NRG1: variants seen among roughly 807,000 people sequenced by gnomAD.
NRG1 encodes the protein pro-neuregulin-1, membrane-bound isoform.
NRG1 carries 18 observed loss-of-function variants against 63.8 expected under a neutral mutation model. The observed-to-expected ratio is 0.28, with a 90% CI of 0.19 to 0.42. The LOEUF is 0.42. Among genes scored for constraint, NRG1 ranks in the 10% least tolerant of loss-of-function variants. NRG1 has a pLI of 1.00. For synonymous variants in NRG1, 302 were observed against 301.3 expected, an observed-to-expected ratio of 1.00 and a Z score of -0.02; for missense variants, 762 against 814.7, an observed-to-expected ratio of 0.94 and a Z score of 0.79.
chr8:31,960,215 A>G (rs182577461), intron 1 of NRG1, among the ~76,000 whole-genome samples: 1 of 152,314 alleles, frequency 6.6e-6, no homozygotes, highest in East Asian at 1.9e-4. Flanking sequence ...GCTGTGATCC[A>G]TTAAGTCTCA....
chr8:32,344,231 C>T (rs1804441284), intron 1 of NRG1, among the ~76,000 whole-genome samples: 2 of 152,066 alleles, frequency 1.3e-5, no homozygotes, highest in Admixed American at 6.5e-5. Context: ...GCAAGTATTT[C>T]GTTTATGTGC....
At chr8:31,643,932 G>C (rs1421801603) in intron 1 of NRG1, among the ~76,000 whole-genome samples, 1 of 152,132 alleles carries the variant, frequency 6.6e-6, no homozygotes, top group African/African-American at 2.4e-5. Context: ...GCCAATATAA[G>C]TATTTTATAT....
chr8:32,648,863 T>C (rs1854306368), intron 5 of NRG1, among the ~76,000 whole-genome samples: 1 of 152,184 alleles, frequency 6.6e-6, no homozygotes, highest in South Asian at 2.1e-4. Context: ...CTCTCTCTCC[T>C]TCCCGTTCCC....
chr8:31,883,000 A>G (rs149249857), intron 1 of NRG1, among the ~76,000 whole-genome samples: 65 of 152,304 alleles, frequency 4.3e-4, no homozygotes, highest in Non-Finnish European at 8.7e-4. Flanking sequence ...AGGGTTTGAA[A>G]GGATTGCCTC....
intron 5 of NRG1, among the ~76,000 whole-genome samples, chr8:32,692,417 T>A (rs1811993154): frequency 6.6e-6 from 1 of 152,184 alleles, no homozygotes; most frequent in Non-Finnish European, 1.5e-5. Flanking sequence ...ACAATCTAAC[T>A]GTTTTGCTTC....
intron 1 of NRG1, among the ~76,000 whole-genome samples, chr8:32,205,892 A>C (rs913316362): frequency 1.3e-5 from 2 of 151,408 alleles, no homozygotes; most frequent in African/African-American, 4.9e-5. Flanking sequence ...TGAGGCCAGA[A>C]GTTTGAGACC....
At chr8:32,294,619 T>C (rs1462986832) in intron 1 of NRG1, among the ~76,000 whole-genome samples, 1 of 152,196 alleles carries the variant, frequency 6.6e-6, no homozygotes, top group African/African-American at 2.4e-5. Context: ...CACTCATAAT[T>C]AGTTGTTTAA....
chr8:32,115,903 G>A (rs192317817), intron 1 of NRG1, among the ~76,000 whole-genome samples: 7 of 152,228 alleles, frequency 4.6e-5, no homozygotes, highest in African/African-American at 1.7e-4. Context: ...GGGAGCCAGA[G>A]GGTTTGCATT....
chr8:32,275,203 G>T (rs146489890), intron 1 of NRG1, among the ~76,000 whole-genome samples: 2 of 152,102 alleles, frequency 1.3e-5, no homozygotes, highest in Non-Finnish European at 2.9e-5. Flanking sequence ...GGAATTTGTC[G>T]CATGGGACTG....
At chr8:32,493,780 T>C (rs1563540922) in intron 1 of NRG1, among the ~76,000 whole-genome samples, 2 of 152,238 alleles carry the variant, frequency 1.3e-5, no homozygotes, top group South Asian at 2.1e-4. Context: ...GGATGAACTT[T>C]GACTTGAAAG....
At chr8:32,728,102 C>A in intron 6 of NRG1, 24 bp downstream of exon 6, 1 of 1,613,252 alleles carries the variant, frequency 6.2e-7, no homozygotes, top group South Asian at 1.1e-5. Context: ...TCCTGTGTGT[C>A]GCTTATGTCT....
chr8:32,558,960 G>A (rs1835754380), intron 1 of NRG1, among the ~76,000 whole-genome samples: 1 of 151,510 alleles, frequency 6.6e-6, no homozygotes, highest in Non-Finnish European at 1.5e-5. Flanking sequence ...TGTGCCTGTG[G>A]TCCAGCTGTT....
At position 31,956,046 on chromosome 8, in the gene NRG1, A is replaced by C. The variant is rs897783672; in HGVS notation, c.37+316615A>C. On this transcript the variant is annotated intron_variant, in intron 1 of 10. Transcript: ENST00000519301. ...ACAGAGTGAGAACCTGTCTCAAAAA[A>C]AAAAAAACAAAAAAACAAAAAAACA... Among the ~76,000 whole-genome samples, 44 of 150,116 alleles carry C rather than the reference A, an allele frequency of 2.9e-4. 1 individual carries two copies. Among genetic ancestry groups the C allele is most frequent in the South Asian group, 8.4e-4 (4 of 4,752 alleles).
intron 1 of NRG1, among the ~76,000 whole-genome samples, chr8:31,802,732 GA>G (rs892740926): frequency 3.3e-5 from 5 of 152,144 alleles, no homozygotes; most frequent in Admixed American, 6.5e-5. Flanking sequence ...CCAGGACCAA[GA>G]AGAGCATATA....
At chr8:32,506,291 T>G (rs1327276194) in intron 1 of NRG1, among the ~76,000 whole-genome samples, 1 of 152,124 alleles carries the variant, frequency 6.6e-6, no homozygotes, top group Non-Finnish European at 1.5e-5. Context: ...AGCATGCTGT[T>G]ACTAGATCTA....
chr8:31,767,888 A>C (rs1412529173), intron 1 of NRG1, among the ~76,000 whole-genome samples: 1 of 151,998 alleles, frequency 6.6e-6, no homozygotes, highest in African/African-American at 2.4e-5. Context: ...TTCATAAGTA[A>C]ATGATATATA....
chr8:32,131,407 G>T (rs1195537773), intron 1 of NRG1, among the ~76,000 whole-genome samples: 2 of 151,904 alleles, frequency 1.3e-5, no homozygotes, highest in Non-Finnish European at 2.9e-5. Context: ...AAACTGCAGG[G>T]CAGAGAGTTA....
intron 1 of NRG1, among the ~76,000 whole-genome samples, chr8:31,730,262 G>T (rs909850933): frequency 6.6e-6 from 1 of 152,116 alleles, no homozygotes; most frequent in Non-Finnish European, 1.5e-5. Flanking sequence ...TATGCTCTCT[G>T]TACTTCCTGA....
rs1829723758 is a variant in NRG1, at chr8:32,756,514, T to C, written c.906T>C (p.Asn302=). 3 of 1,611,096 alleles carry C rather than the reference T, an allele frequency of 1.9e-6. No homozygotes were observed. In the African/African-American group the frequency reaches 4.0e-5, roughly 22 times the overall value. ...ACCATCCTAACCCACCCCCCGAGAA[T>C]GTCCAGCTGGTGAATGTACGTTGAC... Residue 302 remains asparagine, a synonymous_variant, in exon 9 of 12, where the codon AAT becomes AAC. Coordinates refer to ENST00000356819, the Ensembl canonical transcript of NRG1.
Sources: gnomAD v4.1 joint callset for allele counts (sites outside exome capture counted in the v4.1 genomes callset) on GRCh38, gnomAD v4.1.1 for gene constraint, MANE v1.5 for transcripts, NCBI Gene and HGNC (gene_info 2026-07-23, HGNC 2026-07-21) for gene names.